The following ERC2 variants were observed in gnomAD, a reference collection of about 807,000 sequenced individuals.
The protein encoded by ERC2 is ERC protein 2.
ERC2 carries 42 observed loss-of-function variants against 114.8 expected under a neutral mutation model. The observed-to-expected ratio is 0.37, with a 90% CI of 0.29 to 0.47. The LOEUF is 0.47. ERC2 is among the 20% of genes least tolerant of loss of function. The pLI is 0.99. For missense variants in ERC2, 939 were observed against 1,150.7 expected, an observed-to-expected ratio of 0.82 and a Z score of 2.66; for synonymous variants, 454 against 425.5, an observed-to-expected ratio of 1.07 and a Z score of -0.82.
intron 14 of ERC2, among the ~76,000 whole-genome samples, chr3:55,823,855 C>T (rs936178932): frequency 6.6e-6 from 1 of 152,146 alleles, no homozygotes; most frequent in Non-Finnish European, 1.5e-5. Flanking sequence ...TTTACTTGGG[C>T]TGCCATAACA....
At chr3:56,293,707 A>G (rs1300412918) in intron 3 of ERC2, among the ~76,000 whole-genome samples, 2 of 152,216 alleles carry the variant, frequency 1.3e-5, no homozygotes, top group Non-Finnish European at 2.9e-5. Context: ...AGTTGAATGT[A>G]TTGGTCTGCA....
intron 3 of ERC2, among the ~76,000 whole-genome samples, chr3:56,235,450 A>T (rs2050879676): frequency 6.6e-6 from 1 of 152,256 alleles, no homozygotes; most frequent in Non-Finnish European, 1.5e-5. Flanking sequence ...CATTGTAGAT[A>T]GTTGCCAATG....
At chr3:55,678,756 C>T (rs2061927569) in intron 17 of ERC2, among the ~76,000 whole-genome samples, 1 of 152,208 alleles carries the variant, frequency 6.6e-6, no homozygotes, top group African/African-American at 2.4e-5. Flanking sequence ...GAAACCAGAA[C>T]TCTGAGTTCC....
At position 55,804,693 on chromosome 3, in the gene ERC2, C is replaced by T. The variant is rs9817798; in HGVS notation, c.2565-69775G>A. Reference sequence around the variant, plus strand: ...TAAGCCTGTCTGTAACTCCGCCCTCCGGTGACTAACAGAATCCAGGGACCT... The same window carrying T: ...TAAGCCTGTCTGTAACTCCGCCCTCTGGTGACTAACAGAATCCAGGGACCT... On this transcript the variant is annotated intron_variant, in intron 14 of 17. Coordinates refer to ENST00000288221, the MANE Select transcript of ERC2 (RefSeq NM_015576.3). 5.8e-3 allele frequency among the ~76,000 whole-genome samples: 877 copies of T among 152,214 alleles called. 11 individuals are homozygous for T. Among genetic ancestry groups the T allele is most frequent in the African/African-American group, 0.02 (834 of 41,538 alleles).
intron 2 of ERC2, among the ~76,000 whole-genome samples, chr3:56,298,075 C>T (rs539034314): frequency 3.0e-4 from 45 of 152,266 alleles, no homozygotes; most frequent in African/African-American, 1.0e-3. Flanking sequence ...TAATACAATG[C>T]TCCCCTATAA....
intron 6 of ERC2, among the ~76,000 whole-genome samples, chr3:56,126,405 C>A (rs546537096): frequency 6.6e-6 from 1 of 152,256 alleles, no homozygotes; most frequent in South Asian, 2.1e-4. Flanking sequence ...TTTAACATCC[C>A]TTCATGATAA....
chr3:55,987,831 G>C lies in ERC2; in HGVS notation c.2256-1843C>G, dbSNP rs540562711. On this transcript the variant is annotated intron_variant, in intron 11 of 17. Coordinates refer to ENST00000288221, the MANE Select transcript of ERC2 (RefSeq NM_015576.3). ...CTCCAACCAGATAATTAAGTGGAAGGCTGTTTTCCATTCTGATGTTATGTC... is the reference window on the plus strand; with the variant it reads ...CTCCAACCAGATAATTAAGTGGAAGCCTGTTTTCCATTCTGATGTTATGTC... 2.6e-5 allele frequency among the ~76,000 whole-genome samples: 4 copies of C among 152,262 alleles called. No individual in the cohort carries two copies. In the East Asian group the frequency reaches 5.8e-4, roughly 22 times the overall value.
intron 12 of ERC2, among the ~76,000 whole-genome samples, chr3:55,979,512 T>C (rs896374737): frequency 6.6e-6 from 1 of 152,196 alleles, no homozygotes; most frequent in African/African-American, 2.4e-5. Context: ...GTACATTCCA[T>C]CAAAACACTG....
At chr3:55,529,152 C>A (rs941236632) in intron 17 of ERC2, among the ~76,000 whole-genome samples, 2 of 152,210 alleles carry the variant, frequency 1.3e-5, no homozygotes, top group Non-Finnish European at 2.9e-5. Context: ...AATGCATATC[C>A]ACCCTTCAAG....
chr3:56,406,172 C>T (rs949485378), intron 2 of ERC2, among the ~76,000 whole-genome samples: 1 of 152,104 alleles, frequency 6.6e-6, no homozygotes, highest in African/African-American at 2.4e-5. Flanking sequence ...GGATTACAGG[C>T]GTAAGCCACT....
intron 6 of ERC2, among the ~76,000 whole-genome samples, chr3:56,112,241 G>A (rs2078999321): frequency 6.6e-6 from 1 of 152,136 alleles, no homozygotes; most frequent in African/African-American, 2.4e-5. Flanking sequence ...AGATTTAACA[G>A]AGTGACTGCA....
intron 3 of ERC2, among the ~76,000 whole-genome samples, chr3:56,187,616 A>G (rs2083704406): frequency 6.6e-6 from 1 of 152,204 alleles, no homozygotes; most frequent in South Asian, 2.1e-4. Context: ...ACAGGAAGGA[A>G]TTAAGACGGA....
chr3:56,221,643 G>A (rs1404147119), intron 3 of ERC2, among the ~76,000 whole-genome samples: 1 of 152,128 alleles, frequency 6.6e-6, no homozygotes, highest in Non-Finnish European at 1.5e-5. Context: ...AGTGGCTCAC[G>A]CCTGTAATCC....
intron 17 of ERC2, among the ~76,000 whole-genome samples, chr3:55,524,861 T>C (rs73077403): frequency 0.16 from 25,106 of 152,228 alleles, 2,588 homozygotes; most frequent in Middle Eastern, 0.24. Context: ...AAAAGCTACA[T>C]GTGCCAAAGC....
At chr3:55,964,814 G>A (rs1330883655) in intron 12 of ERC2, among the ~76,000 whole-genome samples, 1 of 152,148 alleles carries the variant, frequency 6.6e-6, no homozygotes, top group Non-Finnish European at 1.5e-5. Flanking sequence ...TCGTTGGCAG[G>A]ATTCCTTTCC....
intron 6 of ERC2, among the ~76,000 whole-genome samples, chr3:56,106,252 A>G (rs2078657212): frequency 6.6e-6 from 1 of 152,242 alleles, no homozygotes; most frequent in African/African-American, 2.4e-5. Context: ...GAAGAGAGCC[A>G]AGCTCCGCCT....
intron 17 of ERC2, among the ~76,000 whole-genome samples, chr3:55,523,802 A>G (rs1449092379): frequency 6.6e-6 from 1 of 152,206 alleles, no homozygotes; most frequent in Non-Finnish European, 1.5e-5. Context: ...CATTTATCAA[A>G]TGCTGACTGT....
At position 55,611,350 on chromosome 3, in the gene ERC2, G is replaced by C. The variant is rs553721474; in HGVS notation, c.*39+72444C>G. 2.0e-5 allele frequency among the ~76,000 whole-genome samples: 3 copies of C among 152,292 alleles called. No individual in the cohort carries two copies. In the East Asian group the frequency reaches 5.8e-4, roughly 29 times the overall value. On this transcript the variant is annotated intron_variant, in intron 17 of 17. Transcript: ENST00000288221. ...TATCTACACACAGGCAGCTGGCTGA[G>C]ACCAGCCCAGGAATTCCAGAATAGT...
At chr3:56,387,143 C>G in intron 2 of ERC2, among the ~76,000 whole-genome samples, 1 of 152,290 alleles carries the variant, frequency 6.6e-6, no homozygotes, top group Non-Finnish European at 1.5e-5. Flanking sequence ...AAACTATGTT[C>G]AAATTTTGGC....
Sources: allele counts gnomAD v4.1 joint callset (sites outside exome capture counted in the v4.1 genomes callset), GRCh38; gene constraint gnomAD v4.1.1; transcripts MANE v1.5; gene names NCBI Gene and HGNC (gene_info 2026-07-23, HGNC 2026-07-21).